Variants in KHDRBS2 observed in about 807,000 individuals in gnomAD.
KHDRBS2 encodes KH domain-containing, RNA-binding, signal transduction-associated protein 2.
Under a neutral mutation model 44.3 loss-of-function variants are expected in KHDRBS2, and 26 were observed. That is an observed-to-expected ratio of 0.59 (90% CI 0.43 to 0.81). The LOEUF (loss-of-function observed/expected upper bound fraction) is 0.81. Ranked by LOEUF, KHDRBS2 falls within the 40% of genes least tolerant of loss-of-function variation. KHDRBS2 has a pLI of 0.00. For missense variants in KHDRBS2, 476 were observed against 433.1 expected, an observed-to-expected ratio of 1.10 and a Z score of -0.88; for synonymous variants, 194 against 151.1, an observed-to-expected ratio of 1.28 and a Z score of -2.08.
chr6:61,754,282 A>C (rs1239459291), intron 6 of KHDRBS2, among the ~76,000 whole-genome samples: 1 of 152,180 alleles, frequency 6.6e-6, no homozygotes, highest in Non-Finnish European at 1.5e-5. Flanking sequence ...GGACCACAAA[A>C]AAATGGAGCA....
the KHDRBS2 span, among the ~76,000 whole-genome samples, chr6:61,626,138 A>G: frequency 6.6e-6 from 1 of 152,242 alleles, no homozygotes; most frequent in Non-Finnish European, 1.5e-5. Context: ...ACTTTAAAGG[A>G]AGTCATATTC....
At chr6:62,113,328 A>G (rs1805460844) in intron 2 of KHDRBS2, among the ~76,000 whole-genome samples, 1 of 152,172 alleles carries the variant, frequency 6.6e-6, no homozygotes, top group African/African-American at 2.4e-5. Flanking sequence ...GTGTCACAGT[A>G]TATTTGAATT....
chr6:62,087,372 A>T (rs1275027576), intron 2 of KHDRBS2, among the ~76,000 whole-genome samples: 2 of 152,200 alleles, frequency 1.3e-5, no homozygotes, highest in East Asian at 3.9e-4. Flanking sequence ...TTAGATTTTA[A>T]AACTAAGGCA....
At chr6:61,670,617 CTTTA>C in the KHDRBS2 span, among the ~76,000 whole-genome samples, 1 of 151,388 alleles carries the variant, frequency 6.6e-6, no homozygotes, top group African/African-American at 2.4e-5. Context: ...CAGTCACAGA[CTTTA>C]TTTAATGGTC....
the KHDRBS2 span, among the ~76,000 whole-genome samples, chr6:61,551,695 A>C: frequency 4.0e-5 from 6 of 151,312 alleles, no homozygotes; most frequent in African/African-American, 1.5e-4. Context: ...TTATTTCTGG[A>C]CTCTCTATTC....
At chr6:61,864,158 CTA>C (rs1243446004) in intron 6 of KHDRBS2, among the ~76,000 whole-genome samples, 1 of 151,930 alleles carries the variant, frequency 6.6e-6, no homozygotes, top group Non-Finnish European at 1.5e-5. Context: ...TATTTTGAGA[CTA>C]TGTGTTTCTT....
At chr6:62,072,225 C>T (rs1202947564) in intron 2 of KHDRBS2, among the ~76,000 whole-genome samples, 1 of 152,270 alleles carries the variant, frequency 6.6e-6, no homozygotes, top group South Asian at 2.1e-4. Flanking sequence ...TGCTTATCAG[C>T]TTAAGGAGAT....
At chr6:61,598,374 C>T in the KHDRBS2 span, among the ~76,000 whole-genome samples, 14 of 144,930 alleles carry the variant, frequency 9.7e-5, no homozygotes, top group South Asian at 8.7e-4. Flanking sequence ...AGACCATTCC[C>T]GATGACAGCT....
chr6:62,057,838 C>A (rs1349782851), intron 2 of KHDRBS2, among the ~76,000 whole-genome samples: 1 of 151,792 alleles, frequency 6.6e-6, no homozygotes. Context: ...AATAACATGT[C>A]TATTAACCAA....
intron 2 of KHDRBS2, among the ~76,000 whole-genome samples, chr6:62,116,115 A>G (rs1806155550): frequency 6.6e-6 from 1 of 152,132 alleles, no homozygotes; most frequent in Non-Finnish European, 1.5e-5. Context: ...AAATTGACAA[A>G]TTATATTGTA....
intron 2 of KHDRBS2, among the ~76,000 whole-genome samples, chr6:62,078,674 A>C (rs906660406): frequency 6.6e-6 from 1 of 152,004 alleles, no homozygotes; most frequent in African/African-American, 2.4e-5. Context: ...TAAATTCATG[A>C]AAGTGTGCAT....
intron 1 of KHDRBS2, among the ~76,000 whole-genome samples, chr6:62,234,448 G>T (rs1219091208): frequency 1.3e-5 from 2 of 152,010 alleles, no homozygotes; most frequent in South Asian, 4.1e-4. Context: ...GCCAGGTATT[G>T]CATACACAGT....
intron 6 of KHDRBS2, among the ~76,000 whole-genome samples, chr6:61,869,350 G>T (rs565981044): frequency 6.6e-6 from 1 of 152,282 alleles, no homozygotes; most frequent in African/African-American, 2.4e-5. Flanking sequence ...TATAGTGAGA[G>T]AAAATATTTG....
At chr6:61,595,119 T>C in the KHDRBS2 span, among the ~76,000 whole-genome samples, 1 of 152,154 alleles carries the variant, frequency 6.6e-6, no homozygotes, top group Non-Finnish European at 1.5e-5. Context: ...TAATACTATA[T>C]AAAATTCTTA....
chr6:62,285,547 T>A (rs1431760709), intron 1 of KHDRBS2, among the ~76,000 whole-genome samples: 2 of 152,230 alleles, frequency 1.3e-5, no homozygotes, highest in Non-Finnish European at 2.9e-5. Context: ...CTCTGCGAAG[T>A]GAAAATGTCC....
At chr6:61,771,064 G>T (rs1171970003) in intron 6 of KHDRBS2, among the ~76,000 whole-genome samples, 3 of 152,252 alleles carry the variant, frequency 2.0e-5, no homozygotes, top group Non-Finnish European at 2.9e-5. Flanking sequence ...TTTCAACCCA[G>T]ATTTTCATAT....
At chr6:62,257,658 G>A (rs1837618895) in intron 1 of KHDRBS2, among the ~76,000 whole-genome samples, 1 of 152,032 alleles carries the variant, frequency 6.6e-6, no homozygotes, top group South Asian at 2.1e-4. Context: ...CCTGCTCAAT[G>A]AGAAAAGTCC....
intron 1 of KHDRBS2, among the ~76,000 whole-genome samples, chr6:62,274,649 T>A (rs1461052302): frequency 1.3e-5 from 2 of 152,186 alleles, no homozygotes; most frequent in African/African-American, 2.4e-5. Context: ...GGTCATATTC[T>A]ACTTATTTGT....
chr6:62,225,962 G>C (rs551083253), intron 1 of KHDRBS2, among the ~76,000 whole-genome samples: 1 of 152,256 alleles, frequency 6.6e-6, no homozygotes, highest in Non-Finnish European at 1.5e-5. Flanking sequence ...TTTGGTTCCA[G>C]GTCTTTGCTA....
Sources: allele counts gnomAD v4.1 joint callset (sites outside exome capture counted in the v4.1 genomes callset), GRCh38; gene constraint gnomAD v4.1.1; transcripts MANE v1.5; gene names NCBI Gene and HGNC (gene_info 2026-07-23, HGNC 2026-07-21).